Variants in WDR5 observed in about 807,000 individuals in gnomAD.
WDR5 encodes the protein WD repeat-containing protein 5.
For missense variants in WDR5, 187 were observed against 416.9 expected (o/e 0.45, Z 4.80); for synonymous variants, 144 against 161.6 (o/e 0.89, Z 0.83).
intron 1 of WDR5, among the ~76,000 whole-genome samples, chr9:134,137,694 A>AAAAAC (rs1564186406): frequency 6.6e-6 from 1 of 150,874 alleles, no homozygotes. Flanking sequence ...CAAAAAAAAA[A>AAAAAC]CACGCCAAGC....
rs1270462140 is a variant in WDR5, at chr9:134,136,135, G to T, written c.-124G>T. On this transcript the variant is annotated 5_prime_UTR_variant, in exon 1 of 14. Transcript: ENST00000358625. ...TGCCGCCTTGTCGAGCTGAGTCCGC[G>T]CTCCCGCCCAGGCGGCGGCCGACGC... 6.8e-6 allele frequency: 1 copy of T among 147,212 alleles called. No homozygotes were observed. Among genetic ancestry groups the T allele is most frequent in the Non-Finnish European group, 1.5e-5 (1 of 66,540 alleles). 9.1% of individuals were successfully genotyped at this position (147,212 alleles called of 1,614,324 possible). A position where few individuals can be genotyped will look rare whatever the true frequency, so the allele number is the denominator to read the frequency against.
intron 4 of WDR5, 125 bp from the exon 5 acceptor site, chr9:134,141,824 C>G (rs1831904910): frequency 2.9e-6 from 3 of 1,034,280 alleles, no homozygotes; most frequent in Non-Finnish European, 4.3e-6. Flanking sequence ...GGCCGTGTGT[C>G]TTTTGTAAGG....
chr9:134,136,465 C>T (rs1172731652), intron 1 of WDR5, among the ~76,000 whole-genome samples: 1 of 152,036 alleles, frequency 6.6e-6, no homozygotes, highest in African/African-American at 2.4e-5. Context: ...GCTGACAAGG[C>T]CAGAGCGCCG....
chr9:134,150,237 A>G (rs1222931979), intron 8 of WDR5, among the ~76,000 whole-genome samples: 3 of 152,260 alleles, frequency 2.0e-5, no homozygotes, highest in East Asian at 3.8e-4. Context: ...AGGAATTCCC[A>G]TAGCCAAGGA....
intron 1 of WDR5, among the ~76,000 whole-genome samples, chr9:134,137,717 G>A (rs918817622): frequency 3.4e-5 from 5 of 147,246 alleles, no homozygotes; most frequent in African/African-American, 1.0e-4. Context: ...AGACCCCACC[G>A]ACGTAGAAAC....
chr9:134,135,347 G>A (rs28580780), upstream of WDR5: 2 of 152,058 alleles, frequency 1.3e-5, no homozygotes, highest in Non-Finnish European at 2.9e-5. Context: ...GGCTGGCCCC[G>A]GGAGAGCCCG....
intron 8 of WDR5, among the ~76,000 whole-genome samples, chr9:134,150,480 CTCTT>C (rs997342608): frequency 8.5e-5 from 13 of 152,300 alleles, no homozygotes; most frequent in South Asian, 2.1e-4. Flanking sequence ...CATGCTGAAA[CTCTT>C]TCTATGAAAA....
At chr9:134,154,701 G>T (rs1467476858) in intron 10 of WDR5, among the ~76,000 whole-genome samples, 160 bp downstream of exon 10, 2 of 152,190 alleles carry the variant, frequency 1.3e-5, no homozygotes, top group Non-Finnish European at 2.9e-5. Flanking sequence ...TTAGGTCGGA[G>T]GGCAGGCCCC....
rs1035313558 is a variant in WDR5, at chr9:134,157,545, G to A, written c.905-348G>A. Among the ~76,000 whole-genome samples the A allele has an allele frequency of 5.2e-4, 79 of 152,258 alleles. No homozygotes were observed. The highest frequency in any genetic ancestry group is 1.6e-3 in the African/African-American group (68 of 41,560). On this transcript the variant is annotated intron_variant, in intron 13 of 13. Coordinates refer to ENST00000358625, the MANE Select transcript of WDR5 (RefSeq NM_017588.3). This position sits in a 1 kb window ranked among gnomAD's most constrained non-coding sequence, Gnocchi z 5.0. ...GGGTCTGACTGCAGTCCTTGTGCGC[G>A]CCAGCCTCTGAGCCAGTCCTGCTGC...
intron 9 of WDR5, among the ~76,000 whole-genome samples, chr9:134,152,811 G>T (rs1310168640): frequency 1.3e-5 from 2 of 152,206 alleles, no homozygotes; most frequent in Admixed American, 1.3e-4. Context: ...TGGCAGGAAT[G>T]TGTCTCCCCG....
chr9:134,155,677 T>TC lies in WDR5; in HGVS notation c.742-12dup. 2 of 1,613,498 alleles carry TC rather than the reference T, an allele frequency of 1.2e-6. No individual in the cohort carries two copies. Among genetic ancestry groups the TC allele is most frequent in the Non-Finnish European group, 1.7e-6 (2 of 1,179,532 alleles). ...GAACCATGACTCTGTGACCAGCCTGTCCCCTCCTGTTTCAGTGCCTGAAGA... is the reference window on the plus strand; with the variant it reads ...GAACCATGACTCTGTGACCAGCCTGTCCCCCTCCTGTTTCAGTGCCTGAAGA... On this transcript the variant is annotated splice_polypyrimidine_tract_variant and intron_variant, in intron 11 of 13. Coordinates refer to ENST00000358625, the MANE Select transcript of WDR5 (RefSeq NM_017588.3).
intron 10 of WDR5, among the ~76,000 whole-genome samples, chr9:134,154,916 G>C (rs927455009): frequency 1.3e-4 from 20 of 152,222 alleles, no homozygotes; most frequent in Non-Finnish European, 1.9e-4. Context: ...CTCCTGGGCT[G>C]TTCTCTAAGC....
chr9:134,150,645 A>G (rs1832442233), intron 8 of WDR5, among the ~76,000 whole-genome samples: 1 of 152,192 alleles, frequency 6.6e-6, no homozygotes, highest in Non-Finnish European at 1.5e-5. Context: ...AAATATTTAA[A>G]AGCCACCAAC....
At chr9:134,137,274 G>T (rs1303029442) in intron 1 of WDR5, among the ~76,000 whole-genome samples, 1 of 146,156 alleles carries the variant, frequency 6.8e-6, no homozygotes, top group Non-Finnish European at 1.5e-5. Context: ...TCTAGGGGCC[G>T]CCAATTCATC....
At chr9:134,155,290 C>T in intron 10 of WDR5, 50 bp from the exon 11 acceptor site, 1 of 1,526,442 alleles carries the variant, frequency 6.6e-7, no homozygotes, top group Admixed American at 2.2e-5. Flanking sequence ...GGTGTGGGGA[C>T]AGAAGGATGC....
At chr9:134,149,251 C>T (rs779823612) in intron 8 of WDR5, among the ~76,000 whole-genome samples, 1 of 152,108 alleles carries the variant, frequency 6.6e-6, no homozygotes, top group African/African-American at 2.4e-5. Flanking sequence ...CGAGTTGCAC[C>T]CAACCACCGG....
chr9:134,142,928 G>C (rs1423583261), intron 7 of WDR5, among the ~76,000 whole-genome samples: 1 of 152,202 alleles, frequency 6.6e-6, no homozygotes, highest in African/African-American at 2.4e-5. Context: ...GCGAGGGGGT[G>C]GTGAGGTGTC....
At chr9:134,154,409 C>G in intron 9 of WDR5, 57 bp from the exon 10 acceptor site, 1 of 1,582,640 alleles carries the variant, frequency 6.3e-7, no homozygotes, top group African/African-American at 1.3e-5. Flanking sequence ...GTCCCACCTC[C>G]TGTCCCTGCC....
Position 134,141,520 on chromosome 9 carries a change from A to G in WDR5, c.201A>G (p.Lys67=). ...TTTGTTTTCTTTCAGCTGCTGATAAACTTATTAAAATTTGGGGCGCGTATG... is the reference window on the plus strand; with the variant it reads ...TTTGTTTTCTTTCAGCTGCTGATAAGCTTATTAAAATTTGGGGCGCGTATG... The part of the protein sequence containing the change: ...GEWLASSSAD[K]LIKIWGAYDG... Residue 67 remains lysine, a synonymous_variant, in exon 4 of 14, where the codon AAA becomes AAG. Transcript: ENST00000358625. 6.2e-7 allele frequency: 1 copy of G among 1,613,984 alleles called. No homozygotes were observed. The highest frequency in any genetic ancestry group is 8.5e-7 in the Non-Finnish European group (1 of 1,179,948).
Sources: gnomAD v4.1 joint callset for allele counts (sites outside exome capture counted in the v4.1 genomes callset) on GRCh38, gnomAD v4.1.1 for gene constraint, Gnocchi (gnomAD v3.1) non-coding constraint, MANE v1.5 for transcripts, NCBI Gene and HGNC (gene_info 2026-07-23, HGNC 2026-07-21) for gene names.